The following UTRN variants were observed in gnomAD, a reference collection of about 807,000 sequenced individuals.
UTRN encodes utrophin.
A neutral mutation model predicts 463.9 loss-of-function variants in UTRN; 283 were observed. The observed-to-expected ratio is 0.61, with a 90% CI of 0.55 to 0.67. The LOEUF (loss-of-function observed/expected upper bound fraction) is 0.67. Among genes scored for constraint, UTRN ranks in the 30% least tolerant of loss-of-function variants. The pLI is 0.00. For missense variants in UTRN, 3,922 were observed against 4,084.3 expected (o/e 0.96, Z 1.08); for synonymous variants, 1,442 against 1,431.5 (o/e 1.01, Z -0.17).
intron 54 of UTRN, among the ~76,000 whole-genome samples, chr6:144,748,002 C>T (rs918507580): frequency 6.6e-6 from 1 of 151,964 alleles, no homozygotes; most frequent in Non-Finnish European, 1.5e-5. Flanking sequence ...GTTCAAAAAC[C>T]GGGTCAATTT....
At chr6:144,315,849 T>A (rs989719012) in intron 2 of UTRN, among the ~76,000 whole-genome samples, 7 of 152,180 alleles carry the variant, frequency 4.6e-5, no homozygotes, top group African/African-American at 1.7e-4. Context: ...CTGGTGATGA[T>A]CTGGCAGAAT....
intron 31 of UTRN, 127 bp from the exon 32 acceptor site, chr6:144,490,802 G>T: frequency 9.6e-7 from 1 of 1,042,324 alleles, no homozygotes; most frequent in Non-Finnish European, 1.3e-6. Context: ...TTTTTATTTT[G>T]GGTCATATTT....
chr6:144,774,159 T>A, intron 59 of UTRN, 131 bp from the exon 60 acceptor site: 1 of 890,506 alleles, frequency 1.1e-6, no homozygotes, highest in Non-Finnish European at 1.7e-6. Context: ...GTTGGGGAAT[T>A]TGGGAGAAGA....
chr6:144,647,184 T>G (rs973473346), intron 51 of UTRN, among the ~76,000 whole-genome samples: 3 of 152,214 alleles, frequency 2.0e-5, no homozygotes, highest in Non-Finnish European at 4.4e-5. Context: ...ATTCATTATT[T>G]GTCACTCAGG....
intron 2 of UTRN, among the ~76,000 whole-genome samples, chr6:144,381,705 C>A (rs1317676953): frequency 3.9e-5 from 6 of 152,214 alleles, no homozygotes; most frequent in African/African-American, 1.2e-4. Flanking sequence ...TCTTTGCCTG[C>A]TGCCATCCAT....
intron 47 of UTRN, 50 bp downstream of exon 47, chr6:144,548,904 T>G: frequency 6.3e-7 from 1 of 1,575,338 alleles, no homozygotes. Context: ...AACCCAGAGG[T>G]AGACCAGATC....
At chr6:144,694,837 C>T (rs965899254) in intron 52 of UTRN, among the ~76,000 whole-genome samples, 7 of 151,660 alleles carry the variant, frequency 4.6e-5, no homozygotes, top group Non-Finnish European at 8.8e-5. Context: ...TTTCAAAAAC[C>T]CAGCTCCTGG....
At chr6:144,327,945 A>G (rs189205261) in intron 2 of UTRN, among the ~76,000 whole-genome samples, 1 of 152,232 alleles carries the variant, frequency 6.6e-6, no homozygotes, top group African/African-American at 2.4e-5. Flanking sequence ...ACTCCGTCTC[A>G]AAACACAAAA....
chr6:144,750,011 C>T (rs892366044), intron 55 of UTRN, among the ~76,000 whole-genome samples: 4 of 152,054 alleles, frequency 2.6e-5, no homozygotes, highest in Non-Finnish European at 4.4e-5. Flanking sequence ...TTGAGTCCTC[C>T]AAGGTACCTA....
At chr6:144,489,410 A>G (rs12205552) in intron 30 of UTRN, among the ~76,000 whole-genome samples, 2,359 of 152,206 alleles carry the variant, frequency 0.015, 26 homozygotes, top group African/African-American at 0.037. Flanking sequence ...CGGCCTCCCA[A>G]AATGCTGGGA....
intron 56 of UTRN, among the ~76,000 whole-genome samples, chr6:144,752,506 G>C (rs1347036895): frequency 6.6e-6 from 1 of 152,014 alleles, no homozygotes; most frequent in Non-Finnish European, 1.5e-5. Context: ...AAAAACATTT[G>C]AGAGATATAT....
chr6:144,589,911 G>A (rs1802834333), intron 51 of UTRN, among the ~76,000 whole-genome samples: 1 of 151,758 alleles, frequency 6.6e-6, no homozygotes, highest in Non-Finnish European at 1.5e-5. Flanking sequence ...GAGTACAGTG[G>A]TGCTATCATG....
chr6:144,697,986 G>A lies in UTRN; in HGVS notation c.7653-2101G>A, dbSNP rs922384277. On this transcript the variant is annotated intron_variant, in intron 52 of 74. Coordinates refer to ENST00000367545, the MANE Select transcript of UTRN (RefSeq NM_007124.3). ...TCTGAAATAAAAGGGCAGGGAACAC[G>A]TATAAATGTTTTGCACACGGAGACA... 1.2e-4 allele frequency among the ~76,000 whole-genome samples: 19 copies of A among 152,278 alleles called. No homozygotes were observed. The South Asian group carries it at 2.1e-3, about 17-fold the overall frequency.
At chr6:144,295,673 C>G (rs1804613231) in intron 2 of UTRN, among the ~76,000 whole-genome samples, 1 of 152,216 alleles carries the variant, frequency 6.6e-6, no homozygotes, top group Non-Finnish European at 1.5e-5. Flanking sequence ...TGTGCTCACC[C>G]AGTCTCTGTT....
chr6:144,445,782 C>T (rs575084785), intron 14 of UTRN, among the ~76,000 whole-genome samples: 3 of 152,176 alleles, frequency 2.0e-5, no homozygotes, highest in South Asian at 2.1e-4. Context: ...CGGTGGATCA[C>T]GCTTGTAATC....
intron 54 of UTRN, among the ~76,000 whole-genome samples, chr6:144,731,636 C>T (rs992027508): frequency 3.9e-5 from 6 of 152,134 alleles, no homozygotes; most frequent in African/African-American, 1.4e-4. Flanking sequence ...CCATCAAGAC[C>T]ATAATCTTTT....
intron 49 of UTRN, 126 bp from the exon 50 acceptor site, chr6:144,557,031 A>G: frequency 8.3e-7 from 1 of 1,200,666 alleles, no homozygotes; most frequent in Non-Finnish European, 1.1e-6. Context: ...GTTTGCCCCC[A>G]GTCTGTTTTC....
chr6:144,356,278 A>C (rs1381775922), intron 2 of UTRN, among the ~76,000 whole-genome samples: 1 of 152,192 alleles, frequency 6.6e-6, no homozygotes, highest in African/African-American at 2.4e-5. Context: ...AACCACCCAG[A>C]CTGCTGTTCA....
At chr6:144,770,244 A>G (rs1793859386) in intron 58 of UTRN, among the ~76,000 whole-genome samples, 1 of 152,224 alleles carries the variant, frequency 6.6e-6, no homozygotes, top group Non-Finnish European at 1.5e-5. Context: ...TTTCCGGGAT[A>G]CGTACCCAAC....
Sources: allele counts gnomAD v4.1 joint callset (sites outside exome capture counted in the v4.1 genomes callset), GRCh38; gene constraint gnomAD v4.1.1; transcripts MANE v1.5; gene names NCBI Gene and HGNC (gene_info 2026-07-23, HGNC 2026-07-21).